Variants in MYZAP observed in about 807,000 individuals in gnomAD.
MYZAP encodes GRINL1A complex locus upstream.
Under a neutral mutation model 69.4 loss-of-function variants are expected in MYZAP, and 66 were observed. That is an observed-to-expected ratio of 0.95 (90% CI 0.78 to 1.17). MYZAP has a LOEUF of 1.17. Ranked by LOEUF, MYZAP falls within the 50% of genes most tolerant of loss-of-function variation. MYZAP has a pLI of 0.00. For missense variants in MYZAP, 611 were observed against 556.2 expected, an observed-to-expected ratio of 1.10 and a Z score of -0.99; for synonymous variants, 256 against 205.9, an observed-to-expected ratio of 1.24 and a Z score of -2.09.
intron 1 of MYZAP, among the ~76,000 whole-genome samples, chr15:57,600,369 A>G (rs1368595079): frequency 6.6e-6 from 1 of 152,196 alleles, no homozygotes; most frequent in African/African-American, 2.4e-5. Context: ...GCAACTGCCA[A>G]ATGTCTTTGA....
chr15:57,611,792 T>A (rs1595864381), intron 2 of MYZAP, among the ~76,000 whole-genome samples: 1 of 152,136 alleles, frequency 6.6e-6, no homozygotes, highest in Admixed American at 6.5e-5. Flanking sequence ...GCAGTGGCTA[T>A]TCCCAGGTGC....
At chr15:57,625,629 C>G in intron 4 of MYZAP, 150 bp from the exon 5 acceptor site, 1 of 706,790 alleles carries the variant, frequency 1.4e-6, no homozygotes, top group South Asian at 1.8e-5. Flanking sequence ...CTCTCTGGAT[C>G]ATGCAGATGT....
At chr15:57,614,069 C>T (rs1292927746) in intron 2 of MYZAP, among the ~76,000 whole-genome samples, 1 of 152,172 alleles carries the variant, frequency 6.6e-6, no homozygotes, top group Non-Finnish European at 1.5e-5. Flanking sequence ...CATCTATGCT[C>T]CTAGCAGCTT....
intron 12 of MYZAP, among the ~76,000 whole-genome samples, 174 bp from the exon 13 acceptor site, chr15:57,684,228 G>A (rs533547258): frequency 6.6e-6 from 1 of 152,152 alleles, no homozygotes; most frequent in Non-Finnish European, 1.5e-5. Context: ...TTGGGAAAAC[G>A]TAAAGTCCAT....
chr15:57,614,431 G>C (rs1193623560), intron 2 of MYZAP, among the ~76,000 whole-genome samples: 1 of 152,252 alleles, frequency 6.6e-6, no homozygotes. Context: ...GAAGTGCTGT[G>C]AGAGTGAACC....
intron 1 of MYZAP, among the ~76,000 whole-genome samples, chr15:57,598,801 T>C (rs1453479568): frequency 2.6e-5 from 4 of 152,222 alleles, no homozygotes; most frequent in Non-Finnish European, 2.9e-5. Context: ...CTTGCCGACA[T>C]CTGTGTGTTT....
At chr15:57,677,630 T>C (rs1487653777) in intron 12 of MYZAP, among the ~76,000 whole-genome samples, 1 of 152,210 alleles carries the variant, frequency 6.6e-6, no homozygotes, top group East Asian at 1.9e-4. Flanking sequence ...GTTTCTAGAA[T>C]GTTTTAGACC....
intron 11 of MYZAP, among the ~76,000 whole-genome samples, chr15:57,668,105 C>T (rs1029115916): frequency 5.9e-5 from 9 of 152,218 alleles, no homozygotes; most frequent in African/African-American, 1.7e-4. Context: ...TGATTTGAGG[C>T]GCATCTAAGT....
intron 5 of MYZAP, among the ~76,000 whole-genome samples, chr15:57,629,343 C>T (rs1343796768): frequency 6.6e-6 from 1 of 152,172 alleles, no homozygotes; most frequent in East Asian, 1.9e-4. Context: ...TTATACTATA[C>T]TTACTATTTT....
chr15:57,604,936 C>T (rs545037145), intron 2 of MYZAP, among the ~76,000 whole-genome samples: 13 of 152,250 alleles, frequency 8.5e-5, no homozygotes, highest in Admixed American at 3.9e-4. Flanking sequence ...CTGGGTGAGA[C>T]GATGATGTGA....
intron 11 of MYZAP, among the ~76,000 whole-genome samples, chr15:57,668,323 T>G (rs1262211566): frequency 6.6e-6 from 1 of 152,200 alleles, no homozygotes; most frequent in Non-Finnish European, 1.5e-5. Flanking sequence ...AGCTGGGTCG[T>G]AAAAGGAGGT....
intron 12 of MYZAP, among the ~76,000 whole-genome samples, chr15:57,681,619 A>C (rs1217057539): frequency 1.3e-5 from 2 of 152,182 alleles, no homozygotes; most frequent in African/African-American, 2.4e-5. Context: ...CTCCGTCTCT[A>C]CTAAAAATAC....
At chr15:57,620,922 C>T (rs1296675379) in intron 3 of MYZAP, among the ~76,000 whole-genome samples, 1 of 151,224 alleles carries the variant, frequency 6.6e-6, no homozygotes, top group Non-Finnish European at 1.5e-5. Flanking sequence ...ATTTTTTCTT[C>T]AGAGTTTATT....
chr15:57,630,349 C>T (rs1313092076), intron 6 of MYZAP, among the ~76,000 whole-genome samples: 1 of 152,206 alleles, frequency 6.6e-6, no homozygotes, highest in Non-Finnish European at 1.5e-5. Context: ...TTTAGACACT[C>T]ACCATGGTGC....
chr15:57,680,198 C>A (rs1055830817), intron 12 of MYZAP, among the ~76,000 whole-genome samples: 2 of 152,166 alleles, frequency 1.3e-5, no homozygotes, highest in Non-Finnish European at 2.9e-5. Context: ...ATATTGCAGT[C>A]ACTTCTGAGT....
At chr15:57,613,461 C>G (rs894397262) in intron 2 of MYZAP, among the ~76,000 whole-genome samples, 2 of 152,006 alleles carry the variant, frequency 1.3e-5, no homozygotes, top group Non-Finnish European at 2.9e-5. Flanking sequence ...GCCTCAACCT[C>G]CTGGGCTCAA....
At chr15:57,646,731 A>G (rs1195627577) in intron 10 of MYZAP, 4 of 986,314 alleles carry the variant, frequency 4.1e-6, no homozygotes, top group Admixed American at 6.1e-5. Context: ...TCCTTCCTGA[A>G]TGGATATCAA....
At chr15:57,595,603 G>A (rs959750608) in intron 1 of MYZAP, among the ~76,000 whole-genome samples, 3 of 151,556 alleles carry the variant, frequency 2.0e-5, no homozygotes, top group Admixed American at 6.6e-5. Flanking sequence ...CTGACCTTTC[G>A]GCACAATACT....
chr15:57,640,075 T>A (rs1183152658), intron 10 of MYZAP, among the ~76,000 whole-genome samples: 1 of 152,200 alleles, frequency 6.6e-6, no homozygotes, highest in Non-Finnish European at 1.5e-5. Context: ...TTTGCCACCA[T>A]CCTTTCTCTC....
Sources: gnomAD v4.1 joint callset for allele counts (sites outside exome capture counted in the v4.1 genomes callset) on GRCh38, gnomAD v4.1.1 for gene constraint, MANE v1.5 for transcripts, NCBI Gene and HGNC (gene_info 2026-07-23, HGNC 2026-07-21) for gene names.